EEFSEC: variants seen among roughly 807,000 people sequenced by gnomAD.
EEFSEC encodes the protein eukaryotic elongation factor, selenocysteine-tRNA specific.
EEFSEC carries 43 observed loss-of-function variants against 42.1 expected under a neutral mutation model. The observed-to-expected ratio is 1.02, with a 90% CI of 0.80 to 1.32. EEFSEC has a LOEUF of 1.32. Among genes scored for constraint, EEFSEC ranks in the 40% most tolerant of loss-of-function variants. The pLI, the probability that EEFSEC is intolerant of heterozygous loss-of-function variation, is 0.00. For synonymous variants in EEFSEC, 354 were observed against 339.1 expected, an observed-to-expected ratio of 1.04 and a Z score of -0.48; for missense variants, 745 against 803.6, an observed-to-expected ratio of 0.93 and a Z score of 0.88.
intron 1 of EEFSEC, among the ~76,000 whole-genome samples, chr3:128,213,146 G>A (rs913100107): frequency 1.2e-4 from 18 of 152,334 alleles, no homozygotes; most frequent in East Asian, 3.9e-4. Context: ...GAGCAAGGAC[G>A]CTAGGTCCGA....
chr3:128,309,211 G>A (rs1239925922), intron 4 of EEFSEC, among the ~76,000 whole-genome samples: 1 of 152,192 alleles, frequency 6.6e-6, no homozygotes. Flanking sequence ...GGCTGTGGAA[G>A]TGGAGAGGAA....
At chr3:128,233,956 A>C (rs2065983210) in intron 1 of EEFSEC, among the ~76,000 whole-genome samples, 1 of 152,174 alleles carries the variant, frequency 6.6e-6, no homozygotes, top group Non-Finnish European at 1.5e-5. Flanking sequence ...TGCCTGGTGC[A>C]TTCTTAAGCA....
intron 1 of EEFSEC, among the ~76,000 whole-genome samples, chr3:128,187,043 C>T (rs1044403243): frequency 1.3e-5 from 2 of 152,166 alleles, no homozygotes; most frequent in Non-Finnish European, 2.9e-5. Context: ...CTGATAATGC[C>T]ATTACATTTC....
At chr3:128,397,058 G>A (rs1352493483) in intron 6 of EEFSEC, among the ~76,000 whole-genome samples, 1 of 152,224 alleles carries the variant, frequency 6.6e-6, no homozygotes, top group Non-Finnish European at 1.5e-5. Context: ...CTCTGCCCTG[G>A]AAGTGTTTGG....
At chr3:128,413,613 C>T (rs578070211), downstream of EEFSEC, among the ~76,000 whole-genome samples, 3 of 152,192 alleles carry the variant, frequency 2.0e-5, no homozygotes, top group East Asian at 3.9e-4. Context: ...GCTCCCCCCA[C>T]GTTATCACTG....
chr3:128,206,657 A>G (rs2065699896), intron 1 of EEFSEC, among the ~76,000 whole-genome samples: 1 of 152,224 alleles, frequency 6.6e-6, no homozygotes, highest in African/African-American at 2.4e-5. Flanking sequence ...TGAGAGAAAG[A>G]GGGTAGATAT....
intron 1 of EEFSEC, among the ~76,000 whole-genome samples, chr3:128,188,923 T>C (rs1312095139): frequency 1.3e-5 from 2 of 152,182 alleles, no homozygotes; most frequent in Admixed American, 1.3e-4. Context: ...CAAAGGATGG[T>C]TCAGCATGGA....
chr3:128,229,811 C>T (rs2065942095), intron 1 of EEFSEC, among the ~76,000 whole-genome samples: 2 of 152,178 alleles, frequency 1.3e-5, no homozygotes, highest in African/African-American at 2.4e-5. Flanking sequence ...ACATTCCTGT[C>T]TGGCCATGGT....
At chr3:128,236,255 G>A (rs908479076) in intron 1 of EEFSEC, among the ~76,000 whole-genome samples, 9 of 152,350 alleles carry the variant, frequency 5.9e-5, no homozygotes, top group South Asian at 2.1e-4. Context: ...GATTATAGGC[G>A]TGAGCCACTG....
chr3:128,368,390 G>A (rs2067614132), intron 6 of EEFSEC, among the ~76,000 whole-genome samples: 1 of 151,482 alleles, frequency 6.6e-6, no homozygotes, highest in Admixed American at 6.6e-5. Flanking sequence ...CCAGGAGATT[G>A]CGCCACTGCA....
intron 4 of EEFSEC, among the ~76,000 whole-genome samples, chr3:128,292,303 G>A (rs1042365710): frequency 1.3e-5 from 2 of 151,880 alleles, no homozygotes; most frequent in Non-Finnish European, 2.9e-5. Context: ...TCTATGTCAT[G>A]TTTTAATATC....
intron 1 of EEFSEC, among the ~76,000 whole-genome samples, chr3:128,219,360 A>G (rs1331670818): frequency 6.6e-6 from 1 of 152,212 alleles, no homozygotes; most frequent in African/African-American, 2.4e-5. Flanking sequence ...TGTTAACAGT[A>G]AAATACAATC....
Position 128,341,755 on chromosome 3 carries a change from A to G in EEFSEC, c.1309A>G (p.Ile437Val), listed in dbSNP as rs1480835541. 7 of 1,614,130 alleles carry G rather than the reference A, an allele frequency of 4.3e-6. No individual in the cohort carries two copies. Among genetic ancestry groups the G allele is most frequent in the Non-Finnish European group, 5.9e-6 (7 of 1,180,042 alleles). ...GATTGGCTCCAGGCTAGATGCGGAC[A>G]TTCACACCAACACGTGCCGGCTAGC... ...LVIGSRLDAD[I>V]HTNTCRLAFH... The change falls in exon 5 of 7, where the codon ATT becomes GTT. Residue 437 changes from isoleucine (I) to valine (V), a missense_variant. By Grantham distance (29) the Ile-to-Val change is conservative. Coordinates refer to ENST00000254730, the MANE Select transcript of EEFSEC (RefSeq NM_021937.5).
intron 4 of EEFSEC, among the ~76,000 whole-genome samples, chr3:128,306,220 T>G (rs984454398): frequency 6.6e-6 from 1 of 152,136 alleles, no homozygotes; most frequent in South Asian, 2.1e-4. Context: ...AAAAGAAGAG[T>G]TATTCTGTTA....
rs2066351191 is a variant in EEFSEC, at chr3:128,266,096, T to C, written c.786+1315T>C. 3.3e-5 allele frequency among the ~76,000 whole-genome samples: 5 copies of C among 152,184 alleles called. No individual in the cohort carries two copies. In the South Asian group the frequency reaches 1.0e-3, roughly 32 times the overall value. The stretch of plus-strand genomic sequence containing the variant: ...ATCCCCTCTTCTCTGAGGAGGTTAA[T>C]CCTTTTGTTCTTAAGGCCTTCAACT... On this transcript the variant is annotated intron_variant, in intron 4 of 6. Coordinates refer to ENST00000254730, the MANE Select transcript of EEFSEC (RefSeq NM_021937.5).
At chr3:128,221,408 A>G (rs2065860101) in intron 1 of EEFSEC, among the ~76,000 whole-genome samples, 1 of 152,242 alleles carries the variant, frequency 6.6e-6, no homozygotes, top group Non-Finnish European at 1.5e-5. Flanking sequence ...ACTGGTGGAG[A>G]TTAAATTGCT....
chr3:128,234,979 A>G (rs968703154), intron 1 of EEFSEC, among the ~76,000 whole-genome samples: 1 of 152,144 alleles, frequency 6.6e-6, no homozygotes, highest in African/African-American at 2.4e-5. Flanking sequence ...CTTTTATTGT[A>G]CTTCTTTTTT....
At chr3:128,398,932 C>T (rs2107633017) in intron 6 of EEFSEC, among the ~76,000 whole-genome samples, 1 of 152,294 alleles carries the variant, frequency 6.6e-6, no homozygotes, top group African/African-American at 2.4e-5. Context: ...CTTCAGGAGG[C>T]AGCTGGTCCA....
intron 1 of EEFSEC, among the ~76,000 whole-genome samples, chr3:128,206,234 T>G (rs531927810): frequency 1.3e-5 from 2 of 152,316 alleles, no homozygotes; most frequent in African/African-American, 2.4e-5. Flanking sequence ...CCATCTGCCC[T>G]GGGCAAAATC....
Sources: gnomAD v4.1 joint callset for allele counts (sites outside exome capture counted in the v4.1 genomes callset) on GRCh38, gnomAD v4.1.1 for gene constraint, MANE v1.5 for transcripts, NCBI Gene and HGNC (gene_info 2026-07-23, HGNC 2026-07-21) for gene names.